Variants in SH3GL2 observed in about 807,000 individuals in gnomAD.
SH3GL2 encodes SH3 domain containing GRB2 like 2, endophilin A1.
Under a neutral mutation model 46.0 loss-of-function variants are expected in SH3GL2, and 24 were observed. The observed-to-expected ratio is 0.52, with a 90% CI of 0.38 to 0.73. The LOEUF (loss-of-function observed/expected upper bound fraction) is 0.73. SH3GL2 is among the 30% of genes least tolerant of loss of function. SH3GL2 has a pLI of 0.00. For missense variants in SH3GL2, 413 were observed against 424.2 expected (o/e 0.97, Z 0.23); for synonymous variants, 196 against 147.1 (o/e 1.33, Z -2.40).
intron 1 of SH3GL2, among the ~76,000 whole-genome samples, chr9:17,733,060 C>T (rs2118429241): frequency 6.6e-6 from 1 of 152,172 alleles, no homozygotes; most frequent in South Asian, 2.1e-4. Flanking sequence ...CAAGTGTGTA[C>T]CCGTGGGATG....
chr9:17,746,261 A>T (rs1822681370), intron 1 of SH3GL2, among the ~76,000 whole-genome samples: 1 of 152,064 alleles, frequency 6.6e-6, no homozygotes, highest in African/African-American at 2.4e-5. Flanking sequence ...TATTTTTGGT[A>T]GAGACGGGGT....
chr9:17,755,475 A>C (rs914563196), intron 2 of SH3GL2, among the ~76,000 whole-genome samples: 1 of 152,086 alleles, frequency 6.6e-6, no homozygotes, highest in Non-Finnish European at 1.5e-5. Flanking sequence ...GGCTAATTTT[A>C]AAATCTTTTG....
At chr9:17,789,361 C>CA in intron 5 of SH3GL2, 31 bp from the exon 6 acceptor site, 1 of 1,603,020 alleles carries the variant, frequency 6.2e-7, no homozygotes, top group Non-Finnish European at 8.5e-7. Flanking sequence ...TAAGCCCTTT[C>CA]AAAGCCTATT....
chr9:17,794,598 ATAAAT>A (rs1824228130), intron 8 of SH3GL2, among the ~76,000 whole-genome samples: 1 of 152,230 alleles, frequency 6.6e-6, no homozygotes, highest in Non-Finnish European at 1.5e-5. Context: ...AAATAAAAAA[ATAAAT>A]TACATTGTTT....
At chr9:17,610,616 A>C (rs10963160) in intron 1 of SH3GL2, among the ~76,000 whole-genome samples, 54,832 of 152,098 alleles carry the variant, frequency 0.36, 10,039 homozygotes, top group East Asian at 0.52. Flanking sequence ...TCAGGGTGTA[A>C]GGATCCCTGG....
chr9:17,618,322 T>C (rs1395123513), intron 1 of SH3GL2, among the ~76,000 whole-genome samples: 1 of 152,168 alleles, frequency 6.6e-6, no homozygotes, highest in African/African-American at 2.4e-5. Flanking sequence ...CCTCCATTGA[T>C]ATACCCTTCT....
At chr9:17,705,848 G>A (rs1307512746) in intron 1 of SH3GL2, among the ~76,000 whole-genome samples, 2 of 151,952 alleles carry the variant, frequency 1.3e-5, no homozygotes, top group Admixed American at 6.6e-5. Flanking sequence ...TACCTGTTAC[G>A]TACTGTGCCT....
chr9:17,632,830 TTC>T (rs1387833993), intron 1 of SH3GL2, among the ~76,000 whole-genome samples: 1 of 152,192 alleles, frequency 6.6e-6, no homozygotes, highest in Non-Finnish European at 1.5e-5. Flanking sequence ...CTGAAAAAGA[TTC>T]TGTCAGGAGC....
At chr9:17,767,792 G>C (rs1016710887) in intron 3 of SH3GL2, among the ~76,000 whole-genome samples, 6 of 152,128 alleles carry the variant, frequency 3.9e-5, no homozygotes, top group African/African-American at 1.4e-4. Flanking sequence ...CAGTTGTGAG[G>C]AAAATGTTGT....
chr9:17,689,090 C>G (rs1431752076), intron 1 of SH3GL2, among the ~76,000 whole-genome samples: 1 of 152,032 alleles, frequency 6.6e-6, no homozygotes, highest in Non-Finnish European at 1.5e-5. Context: ...AGTGTGTTCC[C>G]TTAATATGAT....
At chr9:17,583,165 C>G (rs911572248) in intron 1 of SH3GL2, among the ~76,000 whole-genome samples, 5 of 152,174 alleles carry the variant, frequency 3.3e-5, no homozygotes, top group Admixed American at 3.3e-4. Flanking sequence ...GATTCAACAT[C>G]TAAGAGGACA....
intron 1 of SH3GL2, among the ~76,000 whole-genome samples, chr9:17,646,663 G>T (rs1331648639): frequency 9.2e-5 from 14 of 151,816 alleles, no homozygotes; most frequent in Admixed American, 9.2e-4. Flanking sequence ...TTGCTGGGGG[G>T]CCACTCCAGG....
intron 1 of SH3GL2, among the ~76,000 whole-genome samples, chr9:17,682,385 A>C (rs561613445): frequency 3.8e-4 from 58 of 152,350 alleles, no homozygotes; most frequent in Non-Finnish European, 6.8e-4. Flanking sequence ...AGCTATGTGA[A>C]GGAATGAGAT....
At position 17,676,698 on chromosome 9, in the gene SH3GL2, A is replaced by G. The variant is rs567576525; in HGVS notation, c.46-70368A>G. Reference sequence around the variant, plus strand: ...GCATCCCTGAAAGTGGCATTTTGCTACATAGCCTCAATATAGTTTTCACAA... The same window carrying G: ...GCATCCCTGAAAGTGGCATTTTGCTGCATAGCCTCAATATAGTTTTCACAA... On this transcript the variant is annotated intron_variant, in intron 1 of 8. Coordinates refer to ENST00000380607, the MANE Select transcript of SH3GL2 (RefSeq NM_003026.5). 1.3e-3 allele frequency among the ~76,000 whole-genome samples: 192 copies of G among 152,320 alleles called. 1 individual carries two copies. The highest frequency in any genetic ancestry group is 1.9e-4 in the Non-Finnish European group (13 of 68,028).
chr9:17,724,475 A>C (rs182508790), intron 1 of SH3GL2, among the ~76,000 whole-genome samples: 1 of 152,118 alleles, frequency 6.6e-6, no homozygotes, highest in East Asian at 1.9e-4. Flanking sequence ...GCTAATTCCA[A>C]CATCTGGGCC....
Position 17,611,326 on chromosome 9 carries a change from C to CT in SH3GL2, c.45+32048dup, listed in dbSNP as rs1270141330. 7.4e-4 allele frequency among the ~76,000 whole-genome samples: 111 copies of CT among 150,442 alleles called. 1 individual carries two copies. The East Asian group carries it at 0.018, about 24-fold the overall frequency. ...ATAGACATATAGGACATTTTGGTTT[C>CT]TTTTTTTTTCATTTTTGCTTTTGGT... On this transcript the variant is annotated intron_variant, in intron 1 of 8. Transcript: ENST00000380607.
At chr9:17,639,686 A>G (rs1382346882) in intron 1 of SH3GL2, among the ~76,000 whole-genome samples, 5 of 152,228 alleles carry the variant, frequency 3.3e-5, no homozygotes, top group Non-Finnish European at 7.3e-5. Context: ...ACATGTTCAT[A>G]CAGACTTTAT....
intron 3 of SH3GL2, among the ~76,000 whole-genome samples, chr9:17,774,394 C>A (rs972102511): frequency 6.6e-6 from 1 of 152,134 alleles, no homozygotes; most frequent in African/African-American, 2.4e-5. Flanking sequence ...TTCAGTCTTT[C>A]ACCATTTAGT....
chr9:17,650,690 T>C (rs1819935415), intron 1 of SH3GL2, among the ~76,000 whole-genome samples: 1 of 152,236 alleles, frequency 6.6e-6, no homozygotes, highest in African/African-American at 2.4e-5. Flanking sequence ...AAGCATATTT[T>C]TGTAAATCAT....
Sources: gnomAD v4.1 joint callset for allele counts (sites outside exome capture counted in the v4.1 genomes callset) on GRCh38, gnomAD v4.1.1 for gene constraint, MANE v1.5 for transcripts, NCBI Gene and HGNC (gene_info 2026-07-23, HGNC 2026-07-21) for gene names.